Variants in SETBP1 observed in about 807,000 individuals in gnomAD.
SETBP1 encodes SET binding protein 1.
SETBP1 carries 9 observed loss-of-function variants against 101.0 expected under a neutral mutation model. That is an observed-to-expected ratio of 0.09 (90% CI 0.05 to 0.16). SETBP1 has a LOEUF of 0.16. Among genes scored for constraint, SETBP1 ranks in the 10% least tolerant of loss-of-function variants. The pLI, the probability that SETBP1 is intolerant of heterozygous loss-of-function variation, is 1.00. For missense variants in SETBP1, 1,858 were observed against 2,033.8 expected (o/e 0.91, Z 1.66); for synonymous variants, 818 against 788.5 (o/e 1.04, Z -0.63).
intron 3 of SETBP1, among the ~76,000 whole-genome samples, chr18:44,933,549 G>C (rs1414280323): frequency 6.6e-6 from 1 of 152,338 alleles, no homozygotes; most frequent in Admixed American, 6.5e-5. Context: ...TGCCCTCAGA[G>C]GTGGAGTCTA....
In SETBP1 at chr18:44,951,967, A is replaced by G. The variant is rs1389396319; in HGVS notation, c.2627A>G (p.Asn876Ser). Residue 876 changes from asparagine (N) to serine (S), a missense_variant, in exon 4 of 6, where the codon AAC becomes AGC. This residue lies in a region of SETBP1 where 12 missense variants were observed against 45.3 expected (regional missense o/e 0.27). Transcript: ENST00000649279. This position sits in a 1 kb window ranked among gnomAD's most constrained non-coding sequence, Gnocchi z 7.8. Reference sequence around the variant, plus strand: ...GACAGCGGCATTGGGACAGACAACAACAGCACTTCTGACCAAGCGGAGAAG... The same window carrying G: ...GACAGCGGCATTGGGACAGACAACAGCAGCACTTCTGACCAAGCGGAGAAG... The part of the protein sequence containing the change: ...PSDSGIGTDN[N>S]STSDQAEKSS... The G allele has an allele frequency of 6.2e-7, 1 of 1,614,044 alleles. No individual in the cohort carries two copies. Among genetic ancestry groups the G allele is most frequent in the Non-Finnish European group, 8.5e-7 (1 of 1,180,026 alleles).
chr18:45,050,187 C>T (rs1021600689), intron 5 of SETBP1, among the ~76,000 whole-genome samples: 12 of 152,228 alleles, frequency 7.9e-5, no homozygotes, highest in African/African-American at 2.7e-4. Context: ...TTAGTTCCTT[C>T]CCTCTTTGCC....
chr18:44,839,270 AG>A (rs1361153052), intron 2 of SETBP1, among the ~76,000 whole-genome samples: 1 of 152,214 alleles, frequency 6.6e-6, no homozygotes, highest in African/African-American at 2.4e-5. Flanking sequence ...AAGAGCCACC[AG>A]GGAAGTAGCA....
At chr18:44,804,012 A>G (rs1161235133) in intron 2 of SETBP1, among the ~76,000 whole-genome samples, 2 of 152,140 alleles carry the variant, frequency 1.3e-5, no homozygotes, top group African/African-American at 4.8e-5. Context: ...CTAATTAGTT[A>G]TCAGGACAAG....
intron 3 of SETBP1, among the ~76,000 whole-genome samples, chr18:44,937,481 G>C (rs1218982970): frequency 6.7e-6 from 1 of 148,424 alleles, no homozygotes; most frequent in African/African-American, 2.5e-5. Flanking sequence ...AAAAAAGATA[G>C]GCACTACTGC....
At chr18:44,986,619 T>C (rs200695622) in intron 4 of SETBP1, 2 of 1,660 alleles carry the variant, frequency 1.2e-3, no homozygotes, top group African/African-American at 0.04. Flanking sequence ...CTTATTTTGA[T>C]TTTTTTTTTT....
At chr18:44,774,621 C>T (rs150737286) in intron 2 of SETBP1, among the ~76,000 whole-genome samples, 150 of 152,078 alleles carry the variant, frequency 9.9e-4, no homozygotes, top group African/African-American at 3.4e-3. Context: ...GGATAGGGTG[C>T]GAGCACATGG....
chr18:44,882,039 G>C (rs548343914), intron 3 of SETBP1, among the ~76,000 whole-genome samples: 1 of 152,122 alleles, frequency 6.6e-6, no homozygotes, highest in African/African-American at 2.4e-5. Flanking sequence ...TGACAAATGG[G>C]GGTGCGGGGG....
chr18:44,843,303 A>G (rs540877558), intron 2 of SETBP1, among the ~76,000 whole-genome samples: 1 of 152,304 alleles, frequency 6.6e-6, no homozygotes, highest in African/African-American at 2.4e-5. Context: ...TGTTTTACCA[A>G]AATTTGTCAA....
At chr18:44,966,603 T>C (rs771342685) in intron 4 of SETBP1, among the ~76,000 whole-genome samples, 2 of 152,200 alleles carry the variant, frequency 1.3e-5, no homozygotes, top group Non-Finnish European at 2.9e-5. Flanking sequence ...TTTTCATAGC[T>C]TATACGATCC....
At chr18:45,007,716 T>C (rs1021932249) in intron 4 of SETBP1, among the ~76,000 whole-genome samples, 2 of 152,202 alleles carry the variant, frequency 1.3e-5, no homozygotes, top group African/African-American at 4.8e-5. Flanking sequence ...AAATGAGGAA[T>C]TTCCTCTTCA....
At chr18:44,964,584 A>G (rs1043961902) in intron 4 of SETBP1, among the ~76,000 whole-genome samples, 3 of 131,286 alleles carry the variant, frequency 2.3e-5, no homozygotes, top group African/African-American at 8.7e-5. Flanking sequence ...AAACGTTTTT[A>G]TTATCTTAAA....
At chr18:44,861,224 CTT>C (rs2069000530) in intron 2 of SETBP1, among the ~76,000 whole-genome samples, 1 of 105,932 alleles carries the variant, frequency 9.4e-6, no homozygotes, top group Non-Finnish European at 2.0e-5. Context: ...TTTCCTTTTT[CTT>C]TTCTTTTTTT....
intron 2 of SETBP1, among the ~76,000 whole-genome samples, chr18:44,855,373 C>A (rs1318520440): frequency 1.3e-5 from 2 of 151,938 alleles, no homozygotes; most frequent in Non-Finnish European, 2.9e-5. Context: ...GTAATGAATT[C>A]ATTGGCATCT....
At chr18:45,029,287 G>A (rs1265452492) in intron 4 of SETBP1, among the ~76,000 whole-genome samples, 7 of 151,902 alleles carry the variant, frequency 4.6e-5, no homozygotes, top group Admixed American at 2.6e-4. Flanking sequence ...CCCATTGCTT[G>A]TTTTTCTCAG....
rs1446144778 is a variant in SETBP1 at position 44,858,725 on chromosome 18, T to A, written c.487-10505T>A. Among the ~76,000 whole-genome samples the A allele has an allele frequency of 2.0e-5, 3 of 152,240 alleles. No individual in the cohort carries two copies. In the East Asian group the frequency reaches 5.8e-4, roughly 29 times the overall value. On this transcript the variant is annotated intron_variant, in intron 2 of 5. Transcript: ENST00000649279. ...CATTCTGTCAGGCACAAGACTGTTC[T>A]TGCCACCTGTGCTCTTTCTAGATCT... is the stretch of plus-strand genomic sequence containing the variant.
intron 2 of SETBP1, among the ~76,000 whole-genome samples, chr18:44,756,943 ACATTACCGGTTCACAAATGTGG>A (rs1430211223): frequency 6.6e-6 from 1 of 152,228 alleles, no homozygotes; most frequent in Non-Finnish European, 1.5e-5. Flanking sequence ...TTTCAAAATG[ACATTACCGGTTCACAAATGTGG>A]CATTTTGGTG....
intron 2 of SETBP1, among the ~76,000 whole-genome samples, chr18:44,748,354 C>G (rs896779692): frequency 1.3e-5 from 2 of 152,138 alleles, no homozygotes; most frequent in African/African-American, 4.8e-5. Flanking sequence ...ACATGTAGGC[C>G]TAGAGAGGCA....
intron 2 of SETBP1, among the ~76,000 whole-genome samples, chr18:44,864,960 C>T (rs1561994): frequency 0.11 from 16,252 of 151,922 alleles, 1,013 homozygotes; most frequent in Middle Eastern, 0.16. Flanking sequence ...CTAGGATGTG[C>T]GCTTTTCAAG....
Sources: allele counts gnomAD v4.1 joint callset (sites outside exome capture counted in the v4.1 genomes callset), GRCh38; gene constraint gnomAD v4.1.1; regional missense constraint gnomAD v4.1.1; non-coding constraint Gnocchi (gnomAD v3.1); transcripts MANE v1.5; gene names NCBI Gene and HGNC (gene_info 2026-07-23, HGNC 2026-07-21).